CERT1: variants seen among roughly 807,000 people sequenced by gnomAD.
CERT1 encodes ceramide transporter 1.
In CERT1, 31 loss-of-function variants were observed where a neutral mutation model predicts 87.9. The observed-to-expected ratio is 0.35, with a 90% CI of 0.27 to 0.48. CERT1 has a LOEUF of 0.48. Ranked by LOEUF, CERT1 falls within the 20% of genes least tolerant of loss-of-function variation. The pLI is 0.99. For synonymous variants in CERT1, 289 were observed against 250.9 expected (o/e 1.15, Z -1.44); for missense variants, 487 against 758.0 (o/e 0.64, Z 4.20).
At chr5:75,490,611 G>A (rs991152945) in intron 2 of CERT1, among the ~76,000 whole-genome samples, 1 of 151,926 alleles carries the variant, frequency 6.6e-6, no homozygotes, top group Non-Finnish European at 1.5e-5. Context: ...CCCTTCTCCT[G>A]CCTCAGCCTC....
At chr5:75,487,528 A>G (rs1766578084) in intron 2 of CERT1, among the ~76,000 whole-genome samples, 1 of 151,980 alleles carries the variant, frequency 6.6e-6, no homozygotes, top group Admixed American at 6.5e-5. Context: ...AATAATCAAC[A>G]AAGAGACAAC....
chr5:75,431,182 A>G (rs886574094), intron 3 of CERT1, among the ~76,000 whole-genome samples: 1 of 152,182 alleles, frequency 6.6e-6, no homozygotes, highest in Non-Finnish European at 1.5e-5. Context: ...TTAGTGCCTG[A>G]CAGGTATTTT....
At chr5:75,410,978 G>A in intron 8 of CERT1, 33 bp downstream of exon 8, 3 of 1,133,496 alleles carry the variant, frequency 2.6e-6, no homozygotes, top group Non-Finnish European at 2.6e-6. Flanking sequence ...CATGATCTAT[G>A]TGTTTCTCTA....
At chr5:75,484,913 G>C (rs533954091) in intron 2 of CERT1, among the ~76,000 whole-genome samples, 14 of 151,996 alleles carry the variant, frequency 9.2e-5, no homozygotes, top group East Asian at 1.9e-4. Flanking sequence ...CAGTTGTAGA[G>C]GACACATTCT....
At chr5:75,428,642 C>A (rs1369265722) in intron 3 of CERT1, among the ~76,000 whole-genome samples, 1 of 147,256 alleles carries the variant, frequency 6.8e-6, no homozygotes, top group Non-Finnish European at 1.5e-5. Flanking sequence ...TGCGCCACTG[C>A]AGTCTGACAT....
chr5:75,491,146 T>G (rs1766775938), intron 2 of CERT1, among the ~76,000 whole-genome samples: 1 of 152,178 alleles, frequency 6.6e-6, no homozygotes. Context: ...TTCTGTTTAT[T>G]TTTGTGATTT....
At chr5:75,459,414 C>G (rs1372878930) in intron 2 of CERT1, among the ~76,000 whole-genome samples, 1 of 152,202 alleles carries the variant, frequency 6.6e-6, no homozygotes, top group African/African-American at 2.4e-5. Flanking sequence ...CTACAAACAT[C>G]TATTTCTAAA....
intron 11 of CERT1, among the ~76,000 whole-genome samples, chr5:75,394,883 G>A (rs1420868623): frequency 1.3e-5 from 2 of 152,120 alleles, no homozygotes; most frequent in Non-Finnish European, 2.9e-5. Flanking sequence ...GGCACATATG[G>A]ATAAGTACAT....
chr5:75,468,991 G>C (rs1181969183), intron 2 of CERT1, among the ~76,000 whole-genome samples: 1 of 152,118 alleles, frequency 6.6e-6, no homozygotes. Flanking sequence ...TGTCTCAAAA[G>C]TCTGACAAAG....
intron 2 of CERT1, among the ~76,000 whole-genome samples, chr5:75,483,313 C>T (rs374234106): frequency 6.6e-6 from 1 of 152,082 alleles, no homozygotes; most frequent in African/African-American, 2.4e-5. Flanking sequence ...AGCTTGAAGA[C>T]AGGCTATTTG....
At position 75,481,278 on chromosome 5, in the gene CERT1, G is replaced by T. The variant is rs1766229086; in HGVS notation, c.232-22097C>A. Reference sequence around the variant, plus strand: ...CTCATTCCTTTCCCACCTTCAGACTGCTTCTCAAATTCCCCATTTCACTCA... The same window carrying T: ...CTCATTCCTTTCCCACCTTCAGACTTCTTCTCAAATTCCCCATTTCACTCA... On this transcript the variant is annotated intron_variant, in intron 2 of 16. Coordinates refer to ENST00000643780, the MANE Select transcript of CERT1 (RefSeq NM_001379029.1). 5.9e-5 allele frequency among the ~76,000 whole-genome samples: 9 copies of T among 152,152 alleles called. No individual in the cohort carries two copies. In the South Asian group the frequency reaches 1.9e-3, roughly 31 times the overall value.
chr5:75,501,702 C>T (rs997177425), intron 2 of CERT1, among the ~76,000 whole-genome samples: 1 of 151,806 alleles, frequency 6.6e-6, no homozygotes, highest in Non-Finnish European at 1.5e-5. Context: ...AATATGGGAC[C>T]GTAATATATG....
chr5:75,458,002 T>G (rs551563071), intron 3 of CERT1, among the ~76,000 whole-genome samples: 2 of 151,520 alleles, frequency 1.3e-5, no homozygotes, highest in East Asian at 4.0e-4. Flanking sequence ...GTGTGTTTTG[T>G]GCCTGTTAGA....
chr5:75,435,446 T>C (rs927019572), intron 3 of CERT1, among the ~76,000 whole-genome samples: 2 of 152,238 alleles, frequency 1.3e-5, no homozygotes, highest in African/African-American at 2.4e-5. Flanking sequence ...TTCAGTCTGC[T>C]TCAGAGCCAT....
intron 11 of CERT1, among the ~76,000 whole-genome samples, chr5:75,389,922 C>T (rs1761962680): frequency 1.3e-5 from 2 of 152,122 alleles, no homozygotes; most frequent in Non-Finnish European, 2.9e-5. Context: ...ACTCAAGTAA[C>T]ACATATTGGC....
chr5:75,413,666 T>G (rs370880157), intron 7 of CERT1, among the ~76,000 whole-genome samples: 1 of 149,658 alleles, frequency 6.7e-6, no homozygotes, highest in Non-Finnish European at 1.5e-5. Flanking sequence ...CACCAACACC[T>G]ATACACACAC....
At chr5:75,504,818 T>C (rs1767578624) in intron 2 of CERT1, among the ~76,000 whole-genome samples, 1 of 152,052 alleles carries the variant, frequency 6.6e-6, no homozygotes, top group African/African-American at 2.4e-5. Context: ...TTTTTTGTAT[T>C]ATCAGGTACT....
chr5:75,449,606 T>C (rs1327984030), intron 3 of CERT1, among the ~76,000 whole-genome samples: 1 of 152,174 alleles, frequency 6.6e-6, no homozygotes, highest in Admixed American at 6.5e-5. Flanking sequence ...TTAGTAGATA[T>C]TGAAAAATTT....
chr5:75,400,312 A>T lies in CERT1; in HGVS notation c.1018-15T>A. The T allele has an allele frequency of 6.4e-7, 1 of 1,571,546 alleles. No individual in the cohort carries two copies. The highest frequency in any genetic ancestry group is 8.7e-7 in the Non-Finnish European group (1 of 1,143,044). ...TCACTCTGTGACTAAAAAAACATAT[A>T]ATATTAAGATGGGAAGGTTTTAAAG... On this transcript the variant is annotated splice_polypyrimidine_tract_variant and intron_variant, in intron 9 of 16. Coordinates refer to ENST00000643780, the MANE Select transcript of CERT1 (RefSeq NM_001379029.1).
Sources: gnomAD v4.1 joint callset for allele counts (sites outside exome capture counted in the v4.1 genomes callset) on GRCh38, gnomAD v4.1.1 for gene constraint, MANE v1.5 for transcripts, NCBI Gene and HGNC (gene_info 2026-07-23, HGNC 2026-07-21) for gene names.